Variants in FAM151B observed in about 807,000 individuals in gnomAD.
FAM151B encodes the protein family with sequence similarity 151 member B, also known as protein FAM151B.
A neutral mutation model predicts 31.2 loss-of-function variants in FAM151B; 24 were observed. The ratio of observed to expected loss-of-function variants is 0.77; its 90% CI spans 0.56 to 1.08. The LOEUF (loss-of-function observed/expected upper bound fraction) is 1.08. Ranked by LOEUF, FAM151B falls within the 50% of genes least tolerant of loss-of-function variation. The pLI, the probability that FAM151B is intolerant of heterozygous loss-of-function variation, is 0.00. For synonymous variants in FAM151B, 105 were observed against 111.4 expected (o/e 0.94, Z 0.36); for missense variants, 293 against 328.6 (o/e 0.89, Z 0.84).
rs1030116434 is a variant in FAM151B, at chr5:80,501,799, G to A, written c.33G>A (p.Trp11Ter). 1 of 1,596,910 alleles carries A rather than the reference G, an allele frequency of 6.3e-7. No individual in the cohort carries two copies. The highest frequency in any genetic ancestry group is 8.6e-7 in the Non-Finnish European group (1 of 1,169,588). Residue 11 changes from tryptophan to a stop codon, truncating the protein, a stop_gained, in exon 2 of 6, where the codon TGG becomes TGA. Transcript: ENST00000282226. LOFTEE classifies it high-confidence loss of function. MAASAGGPGS[W>*]SENILEYFLR... Reference sequence around the variant, plus strand: ...TAAACACTGTTATTTTAGGATCTTGGAGTGAAAATATACTGGAATATTTTC... The same window carrying A: ...TAAACACTGTTATTTTAGGATCTTGAAGTGAAAATATACTGGAATATTTTC...
chr5:80,521,919 C>T, intron 4 of FAM151B, 84 bp from the exon 5 acceptor site: 2 of 964,270 alleles, frequency 2.1e-6, no homozygotes, highest in South Asian at 2.3e-5. Flanking sequence ...ATGGTTTTAC[C>T]TAATTATAGG....
chr5:80,513,799 G>C (rs528045525), intron 3 of FAM151B, 30 bp downstream of exon 3: 1 of 1,570,480 alleles, frequency 6.4e-7, no homozygotes, highest in South Asian at 1.2e-5. Flanking sequence ...CAATTTTCTG[G>C]GAAAAAAGTA....
At chr5:80,518,890 C>G (rs1449447063) in intron 3 of FAM151B, 1 of 152,134 alleles carries the variant, frequency 6.6e-6, no homozygotes, top group Non-Finnish European at 1.5e-5. Context: ...CAGTATCCAT[C>G]TCCAAAATTC....
intron 1 of FAM151B, among the ~76,000 whole-genome samples, chr5:80,494,472 C>CTTTCTTTCTTTCTTTCTTTA (rs1561359227): frequency 7.0e-4 from 61 of 87,654 alleles, no homozygotes; most frequent in African/African-American, 2.3e-3. Context: ...TTCTTTCTTT[C>CTTTCTTTCTTTCTTTCTTTA]TTTCTTTCTT....
At chr5:80,511,583 C>T (rs1744189598) in intron 2 of FAM151B, among the ~76,000 whole-genome samples, 1 of 151,342 alleles carries the variant, frequency 6.6e-6, no homozygotes, top group African/African-American at 2.4e-5. Context: ...TTCGTTTTTG[C>T]CCACTATTTT....
At chr5:80,526,364 T>C (rs1744969545) in intron 5 of FAM151B, among the ~76,000 whole-genome samples, 1 of 151,912 alleles carries the variant, frequency 6.6e-6, no homozygotes, top group Non-Finnish European at 1.5e-5. Flanking sequence ...TCCTAGCACT[T>C]TGGGAGGCCA....
At position 80,530,128 on chromosome 5, in the gene FAM151B, C is replaced by T. The variant is rs931945406; in HGVS notation, c.671+7990C>T. 1.4e-4 allele frequency among the ~76,000 whole-genome samples: 21 copies of T among 152,254 alleles called. No individual in the cohort carries two copies. In the East Asian group the frequency reaches 3.9e-3, roughly 28 times the overall value. On this transcript the variant is annotated intron_variant, in intron 5 of 5. Coordinates refer to ENST00000282226, the MANE Select transcript of FAM151B (RefSeq NM_205548.3). ...TCCAGCATATAAACAGAACCAAAGA[C>T]AAAAACCACATAATTATCTCAATAG... is the stretch of plus-strand genomic sequence containing the variant.
At chr5:80,539,849 T>C (rs1428305166) in intron 5 of FAM151B, among the ~76,000 whole-genome samples, 2 of 152,064 alleles carry the variant, frequency 1.3e-5, no homozygotes, top group Non-Finnish European at 2.9e-5. Flanking sequence ...TTTTCAAAAG[T>C]TTTAAATTTA....
At chr5:80,520,428 T>A (rs913697302) in intron 4 of FAM151B, among the ~76,000 whole-genome samples, 2 of 151,958 alleles carry the variant, frequency 1.3e-5, no homozygotes, top group Non-Finnish European at 1.5e-5. Flanking sequence ...GCGGATCACC[T>A]GAAGTCAGGA....
At position 80,512,803 on chromosome 5, in the gene FAM151B, A is replaced by T. The variant is rs1003137281; in HGVS notation, c.152-801A>T. ...TCTAAAAAAAAAAAAAAAGAAATTT[A>T]AAAAAATGTAAGTAAATGCATTTTA... On this transcript the variant is annotated intron_variant, in intron 2 of 5. Coordinates refer to ENST00000282226, the MANE Select transcript of FAM151B (RefSeq NM_205548.3). Among the ~76,000 whole-genome samples, 8 of 151,478 alleles carry T rather than the reference A, an allele frequency of 5.3e-5. No homozygotes were observed. In the East Asian group the frequency reaches 1.2e-3, roughly 22 times the overall value.
chr5:80,522,731 C>T (rs1351252665), intron 5 of FAM151B, among the ~76,000 whole-genome samples: 1 of 152,126 alleles, frequency 6.6e-6, no homozygotes, highest in East Asian at 1.9e-4. Flanking sequence ...AACTGTACTA[C>T]AGCCTAGGTG....
At chr5:80,513,244 A>G (rs143216514) in intron 2 of FAM151B, among the ~76,000 whole-genome samples, 4 of 152,378 alleles carry the variant, frequency 2.6e-5, no homozygotes, top group Admixed American at 2.0e-4. Context: ...TAATTTGAGG[A>G]GTGAGAAGAT....
At chr5:80,516,791 A>G (rs1337924230) in intron 3 of FAM151B, among the ~76,000 whole-genome samples, 2 of 152,374 alleles carry the variant, frequency 1.3e-5, no homozygotes, top group East Asian at 3.9e-4. Context: ...GTGTCATTTT[A>G]TAATACATGC....
intron 1 of FAM151B, among the ~76,000 whole-genome samples, chr5:80,496,412 G>T (rs1743538407): frequency 6.6e-6 from 1 of 152,144 alleles, no homozygotes; most frequent in Non-Finnish European, 1.5e-5. Context: ...TAATGCTATT[G>T]TACAACTAAT....
At chr5:80,491,443 G>A (rs971658355) in intron 1 of FAM151B, among the ~76,000 whole-genome samples, 1 of 152,074 alleles carries the variant, frequency 6.6e-6, no homozygotes, top group South Asian at 2.1e-4. Context: ...GGCTGGTCTC[G>A]AACTACTGAG....
chr5:80,542,028 G>T lies in FAM151B; in HGVS notation c.*196G>T, dbSNP rs1301473003. On this transcript the variant is annotated 3_prime_UTR_variant, in exon 6 of 6. Transcript: ENST00000282226. ...TTACATAAAAGATTTGGAAAGAAGA[G>T]ATTTATTTACACACGTGGCCTAGTC... The T allele has an allele frequency of 3.6e-6, 2 of 561,240 alleles. No homozygotes were observed. Among genetic ancestry groups the T allele is most frequent in the East Asian group, 6.4e-5 (2 of 31,130 alleles). 34.8% of individuals were successfully genotyped at this position (561,240 alleles called of 1,614,324 possible). A position where few individuals can be genotyped will look rare whatever the true frequency, so the allele number is the denominator to read the frequency against.
At chr5:80,510,549 A>G (rs1744142250) in intron 2 of FAM151B, among the ~76,000 whole-genome samples, 1 of 152,224 alleles carries the variant, frequency 6.6e-6, no homozygotes, top group South Asian at 2.1e-4. Context: ...CCCAAATGCC[A>G]TATCCCAAGT....
intron 2 of FAM151B, among the ~76,000 whole-genome samples, chr5:80,511,409 G>A (rs1744179668): frequency 7.6e-6 from 1 of 131,146 alleles, no homozygotes; most frequent in African/African-American, 3.0e-5. Context: ...AAGAGTTTCA[G>A]GTTGCAATAG....
chr5:80,513,655 A>G lies in FAM151B; in HGVS notation c.203A>G (p.Glu68Gly). 2 of 1,614,170 alleles carry G rather than the reference A, an allele frequency of 1.2e-6. No homozygotes were observed. The highest frequency in any genetic ancestry group is 2.2e-5 in the East Asian group (1 of 44,878). Reference protein sequence around the residue: ...ADVLLPSDGSEHSQPIMAHPP... With the variant: ...ADVLLPSDGSGHSQPIMAHPP... ...GTCCTTCTTCCAAGTGATGGATCAG[A>G]ACACAGCCAGCCAATTATGGCCCAT... Residue 68 changes from glutamate (E) to glycine (G), a missense_variant, in exon 3 of 6, where the codon GAA becomes GGA. Coordinates refer to ENST00000282226, the MANE Select transcript of FAM151B (RefSeq NM_205548.3).
Sources: gnomAD v4.1 joint callset for allele counts (sites outside exome capture counted in the v4.1 genomes callset) on GRCh38, gnomAD v4.1.1 for gene constraint, MANE v1.5 for transcripts, NCBI Gene and HGNC (gene_info 2026-07-23, HGNC 2026-07-21) for gene names.